The following ST8SIA2 variants were observed in gnomAD, a reference collection of about 807,000 sequenced individuals.
The protein encoded by ST8SIA2 is ST8 alpha-N-acetyl-neuraminide alpha-2,8-sialyltransferase 2.
Under a neutral mutation model 37.6 loss-of-function variants are expected in ST8SIA2, and 22 were observed. That is an observed-to-expected ratio of 0.58 (90% CI 0.42 to 0.83). ST8SIA2 has a LOEUF of 0.83. Ranked by LOEUF, ST8SIA2 falls within the 40% of genes least tolerant of loss-of-function variation. The pLI, the probability that ST8SIA2 is intolerant of heterozygous loss-of-function variation, is 0.00. For synonymous variants in ST8SIA2, 205 were observed against 201.2 expected (o/e 1.02, Z -0.16); for missense variants, 382 against 484.7 (o/e 0.79, Z 1.99).
chr15:92,420,068 T>C (rs927270472), intron 1 of ST8SIA2, among the ~76,000 whole-genome samples: 2 of 152,224 alleles, frequency 1.3e-5, no homozygotes, highest in African/African-American at 4.8e-5. Flanking sequence ...GGTTTCACCA[T>C]GTTGGCCAGG....
chr15:92,397,929 T>A (rs2049443073), intron 1 of ST8SIA2, among the ~76,000 whole-genome samples: 1 of 152,100 alleles, frequency 6.6e-6, no homozygotes, highest in Admixed American at 6.5e-5. Context: ...GGTCAGGAGT[T>A]CGAGACCAGA....
intron 1 of ST8SIA2, among the ~76,000 whole-genome samples, chr15:92,412,829 T>C (rs2049559321): frequency 6.6e-6 from 1 of 152,154 alleles, no homozygotes; most frequent in Admixed American, 6.5e-5. Flanking sequence ...AGCTAATTTT[T>C]TGTATTTTTA....
At chr15:92,463,819 T>C (rs7168443) in intron 5 of ST8SIA2, among the ~76,000 whole-genome samples, 113,137 of 152,150 alleles carry the variant, frequency 0.74, 42,674 homozygotes, top group East Asian at 0.92. Flanking sequence ...GGGCAAGCCA[T>C]TTTTCACCTC....
intron 3 of ST8SIA2, among the ~76,000 whole-genome samples, chr15:92,435,442 G>A (rs1195549284): frequency 6.6e-6 from 1 of 152,206 alleles, no homozygotes; most frequent in Middle Eastern, 3.4e-3. Flanking sequence ...AGGAATAGGG[G>A]GGTAAGGTTG....
chr15:92,453,973 T>G (rs1297380420), intron 5 of ST8SIA2, among the ~76,000 whole-genome samples: 1 of 152,306 alleles, frequency 6.6e-6, no homozygotes, highest in African/African-American at 2.4e-5. Flanking sequence ...TGGGCTTGGC[T>G]GCCTCTTAAG....
chr15:92,409,966 G>A (rs1476819286), intron 1 of ST8SIA2, among the ~76,000 whole-genome samples: 1 of 152,260 alleles, frequency 6.6e-6, no homozygotes. Context: ...TGGTGGGGGA[G>A]CGAGTTGTGT....
chr15:92,418,841 A>T (rs2049609107), intron 1 of ST8SIA2, among the ~76,000 whole-genome samples: 1 of 152,178 alleles, frequency 6.6e-6, no homozygotes, highest in Non-Finnish European at 1.5e-5. Context: ...ATCAAGGAGG[A>T]ATTTTATGCC....
At chr15:92,397,538 GAATTCA>G (rs540588147) in intron 1 of ST8SIA2, among the ~76,000 whole-genome samples, 35 of 152,332 alleles carry the variant, frequency 2.3e-4, no homozygotes, top group Non-Finnish European at 3.4e-4. Context: ...GCCAAGGAGT[GAATTCA>G]AATTCTAAGT....
At chr15:92,409,977 A>T (rs1240887499) in intron 1 of ST8SIA2, among the ~76,000 whole-genome samples, 1 of 152,204 alleles carries the variant, frequency 6.6e-6, no homozygotes, top group Admixed American at 6.5e-5. Flanking sequence ...CGAGTTGTGT[A>T]ATGACGAGGA....
chr15:92,430,055 G>C lies in ST8SIA2; in HGVS notation c.105G>C (p.Ser35=), dbSNP rs376954528. ...CATTTCCTTTGTCTTGCAGGAATTCGGGAGGCAGAGGTACAATCAGATCAG... is the reference window on the plus strand; with the variant it reads ...CATTTCCTTTGTCTTGCAGGAATTCCGGAGGCAGAGGTACAATCAGATCAG... ...ISEIEEEIGN[S]GGRGTIRSAV... is the part of the protein sequence containing the mutation. The change falls in exon 2 of 6, where the codon TCG becomes TCC. Residue 35 remains serine (S), a synonymous_variant. Transcript: ENST00000268164. The C allele has an allele frequency of 3.6e-5, 58 of 1,614,100 alleles. No homozygotes were observed. The highest frequency in any genetic ancestry group is 1.8e-4 in the South Asian group (16 of 91,074).
chr15:92,461,068 C>G (rs3784725), intron 5 of ST8SIA2, among the ~76,000 whole-genome samples: 2 of 152,158 alleles, frequency 1.3e-5, no homozygotes, highest in East Asian at 3.9e-4. Flanking sequence ...GCCTTTCAAA[C>G]GAGACATTTA....
chr15:92,444,579 A>AG, intron 4 of ST8SIA2, 57 bp from the exon 5 acceptor site: 2 of 1,610,996 alleles, frequency 1.2e-6, no homozygotes, highest in Non-Finnish European at 1.7e-6. Flanking sequence ...ATCGAGTTAA[A>AG]CAGAGGAAGG....
At chr15:92,396,503 CTTTTT>C (rs916222529) in intron 1 of ST8SIA2, among the ~76,000 whole-genome samples, 2 of 130,420 alleles carry the variant, frequency 1.5e-5, no homozygotes, top group African/African-American at 5.9e-5. Flanking sequence ...TTTTCTTTTT[CTTTTT>C]TTTGAGACGG....
At chr15:92,397,765 A>C (rs1392014838) in intron 1 of ST8SIA2, among the ~76,000 whole-genome samples, 1 of 152,236 alleles carries the variant, frequency 6.6e-6, no homozygotes, top group Non-Finnish European at 1.5e-5. Flanking sequence ...GGCATTCAAT[A>C]AACATCTGTT....
At chr15:92,436,700 A>T (rs1220497607) in intron 3 of ST8SIA2, among the ~76,000 whole-genome samples, 2 of 152,218 alleles carry the variant, frequency 1.3e-5, no homozygotes, top group Non-Finnish European at 2.9e-5. Context: ...AAGCACAGTA[A>T]ATAAAAACAG....
Position 92,408,677 on chromosome 15 carries a change from TTTTATTTATTTATTTATTTA to T in ST8SIA2, c.98+14542_98+14561del, listed in dbSNP as rs58508323. Among the ~76,000 whole-genome samples the T allele has an allele frequency of 2.1e-4, 26 of 123,140 alleles. No homozygotes were observed. In the East Asian group the frequency reaches 3.8e-3, roughly 18 times the overall value. The allele number at this position is 123,140 out of a possible 152,430, so 80.8% of individuals were successfully genotyped here. A position where few individuals can be genotyped will look rare whatever the true frequency, so the allele number is the denominator to read the frequency against. ...TTTGAAATCCACTGAGTTCCATTTT[TTTTATTTATTTATTTATTTA>T]TTTATTTATTTATTTATTTATTTAT... On this transcript the variant is annotated intron_variant, in intron 1 of 5. Transcript: ENST00000268164.
In ST8SIA2 at chr15:92,464,367, G is replaced by C; in HGVS notation, c.1110G>C (p.Gln370His). ...EQGALKLTVGQCDGAT is the reference protein window; with the variant it reads ...EQGALKLTVGHCDGAT ...GGGCTTTGAAACTGACTGTCGGCCA[G>C]TGCGATGGGGCCACGTAGGGTGGGC... Residue 370 changes from glutamine (Q) to histidine (H), a missense_variant, in exon 6 of 6, where the codon CAG (glutamine) becomes CAC (histidine). By Grantham distance (24) the Gln-to-His change is conservative. Coordinates refer to ENST00000268164, the MANE Select transcript of ST8SIA2 (RefSeq NM_006011.4). 2 of 1,613,874 alleles carry C rather than the reference G, an allele frequency of 1.2e-6. No homozygotes were observed. The highest frequency in any genetic ancestry group is 2.2e-5 in the South Asian group (2 of 91,062).
In ST8SIA2 at chr15:92,466,764, C is replaced by T. The variant is rs567578686; in HGVS notation, c.*2379C>T. Reference sequence around the variant, plus strand: ...GTTCCCCTCCTCGGCTTGAGTCCTGCACTACCAAAATGGCCTGGCCATTTG... The same window carrying T: ...GTTCCCCTCCTCGGCTTGAGTCCTGTACTACCAAAATGGCCTGGCCATTTG... On this transcript the variant is annotated 3_prime_UTR_variant, in exon 6 of 6. Transcript: ENST00000268164. 16 of 152,468 alleles carry T rather than the reference C, an allele frequency of 1.0e-4. No individual in the cohort carries two copies. The highest frequency in any genetic ancestry group is 3.6e-4 in the African/African-American group (15 of 41,558). 9.4% of individuals were successfully genotyped at this position (152,468 alleles called of 1,614,324 possible).
At chr15:92,411,532 G>A (rs967667488) in intron 1 of ST8SIA2, among the ~76,000 whole-genome samples, 1 of 152,202 alleles carries the variant, frequency 6.6e-6, no homozygotes, top group Non-Finnish European at 1.5e-5. Context: ...CCTATAGTGA[G>A]TTTGGTTTTA....
Sources: gnomAD v4.1 joint callset for allele counts (sites outside exome capture counted in the v4.1 genomes callset) on GRCh38, gnomAD v4.1.1 for gene constraint, MANE v1.5 for transcripts, NCBI Gene and HGNC (gene_info 2026-07-23, HGNC 2026-07-21) for gene names.